FAM3D: variants seen among roughly 807,000 people sequenced by gnomAD.
The protein encoded by FAM3D is protein FAM3D.
A neutral mutation model predicts 29.8 loss-of-function variants in FAM3D; 26 were observed. The observed-to-expected ratio is 0.87, with a 90% CI of 0.64 to 1.21. The LOEUF (loss-of-function observed/expected upper bound fraction) is 1.21, where lower values mean the gene tolerates loss of function less well. FAM3D is among the 50% of genes most tolerant of loss of function. FAM3D has a pLI of 0.00. For missense variants in FAM3D, 253 were observed against 290.9 expected (o/e 0.87, Z 0.95); for synonymous variants, 115 against 102.3 (o/e 1.12, Z -0.75).
chr3:58,636,241 C>A, intron 9 of FAM3D, 53 bp downstream of exon 9: 1 of 1,583,248 alleles, frequency 6.3e-7, no homozygotes. Context: ...TTCCTACCAC[C>A]ACCCAGCTCC....
At position 58,664,106 on chromosome 3, in the gene FAM3D, C is replaced by A. The variant is rs72877784; in HGVS notation, c.-39+2470G>T. Among the ~76,000 whole-genome samples the A allele has an allele frequency of 6.3e-3, 561 of 88,376 alleles. 4 individuals carry two copies. Among genetic ancestry groups the A allele is most frequent in the African/African-American group, 0.018 (534 of 29,454 alleles). The allele number at this position is 88,376 out of a possible 152,430, so 58.0% of individuals were successfully genotyped here. ...TAAAGCTTCTCTCTACCGTTCATAG[C>A]CTTGCCACCTTGGGCAGGTTACCTC... On this transcript the variant is annotated intron_variant, in intron 1 of 9. Coordinates refer to ENST00000358781, the MANE Select transcript of FAM3D (RefSeq NM_138805.3).
At position 58,649,350 on chromosome 3, in the gene FAM3D, A is replaced by G. The variant is rs150960061; in HGVS notation, c.122-12T>C. 759 of 1,613,762 alleles carry G rather than the reference A, an allele frequency of 4.7e-4. 3 individuals carry two copies. In the African/African-American group the frequency reaches 8.7e-3, roughly 19 times the overall value. ...GGTGGGCGAGGCTGCTGGAGAGAAGACAGAATCTGGTTAGAGGAAAAGCAC... is the reference window on the plus strand; with the variant it reads ...GGTGGGCGAGGCTGCTGGAGAGAAGGCAGAATCTGGTTAGAGGAAAAGCAC... On this transcript the variant is annotated splice_polypyrimidine_tract_variant and intron_variant, in intron 3 of 9. Coordinates refer to ENST00000358781, the MANE Select transcript of FAM3D (RefSeq NM_138805.3).
chr3:58,653,136 A>T (rs1299327333), intron 3 of FAM3D, among the ~76,000 whole-genome samples: 1 of 152,224 alleles, frequency 6.6e-6, no homozygotes, highest in African/African-American at 2.4e-5. Context: ...AACCATAATG[A>T]CAGATAATGA....
chr3:58,641,372 T>C (rs1347880717), intron 6 of FAM3D, among the ~76,000 whole-genome samples: 1 of 151,802 alleles, frequency 6.6e-6, no homozygotes, highest in Non-Finnish European at 1.5e-5. Flanking sequence ...TTAACCTCTT[T>C]TTTTTTTTTG....
At chr3:58,646,614 T>C (rs1489819478) in intron 4 of FAM3D, among the ~76,000 whole-genome samples, 2 of 152,194 alleles carry the variant, frequency 1.3e-5, no homozygotes. Context: ...ATTTGGAGAA[T>C]GCTCATCTGC....
chr3:58,636,893 G>A (rs11130665), intron 8 of FAM3D, among the ~76,000 whole-genome samples: 38 of 151,938 alleles, frequency 2.5e-4, no homozygotes, highest in African/African-American at 1.4e-4. Context: ...CTATGTCACC[G>A]TATGTCATAG....
At chr3:58,652,955 C>A (rs534285639) in intron 3 of FAM3D, among the ~76,000 whole-genome samples, 1 of 137,754 alleles carries the variant, frequency 7.3e-6, no homozygotes, top group East Asian at 2.2e-4. Flanking sequence ...CATCCACCCA[C>A]CCATTTATCC....
rs1419898660 is a variant in FAM3D, at chr3:58,643,732, G to C, written c.264-12C>G. On this transcript the variant is annotated splice_polypyrimidine_tract_variant and intron_variant, in intron 5 of 9. Coordinates refer to ENST00000358781, the MANE Select transcript of FAM3D (RefSeq NM_138805.3). ...CAGGACTCATGATCCTGAAGACAATGAAGAAGAAATATGACAGTCGGTCCC... is the reference window on the plus strand; with the variant it reads ...CAGGACTCATGATCCTGAAGACAATCAAGAAGAAATATGACAGTCGGTCCC... 6.2e-7 allele frequency: 1 copy of C among 1,613,868 alleles called. No individual in the cohort carries two copies. Among genetic ancestry groups the C allele is most frequent in the Admixed American group, 1.7e-5 (1 of 60,028 alleles).
At chr3:58,654,427 T>G (rs902516138) in intron 2 of FAM3D, among the ~76,000 whole-genome samples, 1 of 152,196 alleles carries the variant, frequency 6.6e-6, no homozygotes, top group African/African-American at 2.4e-5. Flanking sequence ...AACCGCACAC[T>G]GGACTTGCTG....
intron 2 of FAM3D, among the ~76,000 whole-genome samples, chr3:58,654,795 G>A (rs1286807902): frequency 6.6e-6 from 1 of 152,190 alleles, no homozygotes; most frequent in African/African-American, 2.4e-5. Context: ...GTGGGATGCA[G>A]GTCTGTGGGG....
At position 58,635,211 on chromosome 3, in the gene FAM3D, G is replaced by T. The variant is rs772632782; in HGVS notation, c.586-843C>A. ...TATACTAGTAATAAGTATGTAAGAA[G>T]AATAAAATCACTTAGGATTGTGTCT... On this transcript the variant is annotated intron_variant, in intron 9 of 9. Transcript: ENST00000358781. This position sits in a 1 kb window ranked among gnomAD's most constrained non-coding sequence, Gnocchi z 5.2. 1.3e-5 allele frequency among the ~76,000 whole-genome samples: 2 copies of T among 152,076 alleles called. No individual in the cohort carries two copies. Among genetic ancestry groups the T allele is most frequent in the East Asian group, 3.9e-4 (2 of 5,192 alleles).
intron 4 of FAM3D, among the ~76,000 whole-genome samples, chr3:58,646,624 CA>C (rs1197376016): frequency 1.3e-5 from 2 of 152,226 alleles, no homozygotes; most frequent in Non-Finnish European, 2.9e-5. Flanking sequence ...TGCTCATCTG[CA>C]AAGGGAAAAC....
At chr3:58,650,007 G>A (rs1039785596) in intron 3 of FAM3D, among the ~76,000 whole-genome samples, 6 of 152,194 alleles carry the variant, frequency 3.9e-5, no homozygotes, top group African/African-American at 9.7e-5. Flanking sequence ...CCCATATTGG[G>A]GTGTCTCTTT....
intron 3 of FAM3D, 149 bp from the exon 4 acceptor site, chr3:58,649,487 C>T (rs1008748315): frequency 2.5e-6 from 2 of 805,914 alleles, no homozygotes; most frequent in African/African-American, 1.7e-5. Context: ...CACTGTCACC[C>T]CTTCACACAC....
intron 3 of FAM3D, among the ~76,000 whole-genome samples, chr3:58,650,109 G>T (rs750731270): frequency 2.0e-5 from 3 of 152,238 alleles, no homozygotes; most frequent in Non-Finnish European, 4.4e-5. Context: ...TGTTTCTGTG[G>T]TTCTACATCG....
At chr3:58,662,174 C>T (rs2066944910) in intron 1 of FAM3D, among the ~76,000 whole-genome samples, 2 of 152,224 alleles carry the variant, frequency 1.3e-5, no homozygotes, top group Non-Finnish European at 2.9e-5. Flanking sequence ...CACCCCCTGG[C>T]CCCTGCAGGC....
rs2066712400 is a variant in FAM3D at position 58,653,725 on chromosome 3, G to A, written c.70C>T (p.Arg24Ter). 2.5e-6 allele frequency: 4 copies of A among 1,614,022 alleles called. No individual in the cohort carries two copies. Among genetic ancestry groups the A allele is most frequent in the East Asian group, 2.2e-5 (1 of 44,888 alleles). The change falls in exon 3 of 10, where the codon CGA becomes TGA. Residue 24 changes from arginine to a stop codon, truncating the protein, a stop_gained. Coordinates refer to ENST00000358781, the MANE Select transcript of FAM3D (RefSeq NM_138805.3). LOFTEE classifies it high-confidence loss of function. ...TTCATGCTGAAGCTCATGTAGCTTC[G>A]AATAAACATCCATGTCGTGACTATG... ...FAIVTTWMFI[R>*]SYMSFSMKTI...
chr3:58,649,526 C>A (rs1231602320), intron 3 of FAM3D, 188 bp from the exon 4 acceptor site: 1 of 644,530 alleles, frequency 1.6e-6, no homozygotes, highest in Admixed American at 2.6e-5. Flanking sequence ...CACATATACA[C>A]AGATACACAT....
chr3:58,644,573 C>T (rs1336864213), intron 5 of FAM3D, among the ~76,000 whole-genome samples: 4 of 152,200 alleles, frequency 2.6e-5, no homozygotes, highest in Admixed American at 2.0e-4. Context: ...TCTTTATCAG[C>T]AGCGTGAAAA....
Sources: allele counts gnomAD v4.1 joint callset (sites outside exome capture counted in the v4.1 genomes callset), GRCh38; gene constraint gnomAD v4.1.1; non-coding constraint Gnocchi (gnomAD v3.1); transcripts MANE v1.5; gene names NCBI Gene and HGNC (gene_info 2026-07-23, HGNC 2026-07-21).